NRG1: variants seen among roughly 807,000 people sequenced by gnomAD.
NRG1 encodes neuregulin 1.
NRG1 carries 18 observed loss-of-function variants against 63.8 expected under a neutral mutation model. The observed-to-expected ratio is 0.28, with a 90% confidence interval of 0.19 to 0.42. The LOEUF (loss-of-function observed/expected upper bound fraction) is 0.42, where lower values mean the gene tolerates loss of function less well. NRG1 is among the 10% of genes least tolerant of loss of function. The pLI, the probability that NRG1 is intolerant of heterozygous loss-of-function variation, is 1.00. For synonymous variants in NRG1, 302 were observed against 301.3 expected (o/e 1.00, Z -0.02); for missense variants, 762 against 814.7 (o/e 0.94, Z 0.79).
chr8:32,318,658 G>A (rs1345492506), intron 1 of NRG1, among the ~76,000 whole-genome samples: 3 of 152,250 alleles, frequency 2.0e-5, no homozygotes, highest in East Asian at 3.9e-4. Context: ...CACTTACAAA[G>A]CAGTTTATGT....
Position 32,480,239 on chromosome 8 carries a change from T to C in NRG1, c.38-115589T>C, listed in dbSNP as rs1052152691. Among the ~76,000 whole-genome samples, 15 of 151,808 alleles carry C rather than the reference T, an allele frequency of 9.9e-5. No homozygotes were observed. In the South Asian group the frequency reaches 1.5e-3, roughly 15 times the overall value. ...GTAATGATCTCACCTATATGTGGAA[T>C]CTAAAAAAAAGTCAGCCTCATGGAA... is the stretch of plus-strand genomic sequence containing the variant. On this transcript the variant is annotated intron_variant, in intron 1 of 10. Coordinates refer to the NRG1 transcript ENST00000519301.
Position 32,695,087 on chromosome 8 carries a change from G to A in NRG1, c.503-32862G>A, listed in dbSNP as rs547851482. On this transcript the variant is annotated intron_variant, in intron 5 of 11. Coordinates refer to ENST00000356819, the Ensembl canonical transcript of NRG1. ...AATTACTAAACAGGCTGGGCATGGT[G>A]GCTCATGCCTGTAATCTCAGCACTT... Among the ~76,000 whole-genome samples the A allele has an allele frequency of 2.0e-5, 3 of 152,264 alleles. No individual in the cohort carries two copies. The East Asian group carries it at 5.8e-4, about 29-fold the overall frequency.
intron 1 of NRG1, among the ~76,000 whole-genome samples, chr8:32,139,646 C>G (rs1835987940): frequency 6.6e-6 from 1 of 152,118 alleles, no homozygotes; most frequent in South Asian, 2.1e-4. Flanking sequence ...GTACCTTTAG[C>G]TTTGAAAGGG....
intron 1 of NRG1, among the ~76,000 whole-genome samples, chr8:32,508,645 G>C (rs572428688): frequency 1.4e-4 from 21 of 152,026 alleles, no homozygotes; most frequent in African/African-American, 5.1e-4. Context: ...TTTAACAGTT[G>C]TCATTCTGAT....
intron 5 of NRG1, among the ~76,000 whole-genome samples, chr8:32,668,462 T>C (rs1268123236): frequency 6.6e-6 from 1 of 152,156 alleles, no homozygotes; most frequent in Non-Finnish European, 1.5e-5. Flanking sequence ...CTCTTGGCTG[T>C]GTGCTTACTG....
chr8:32,049,553 A>C (rs542509581), intron 1 of NRG1, among the ~76,000 whole-genome samples: 1 of 152,266 alleles, frequency 6.6e-6, no homozygotes, highest in African/African-American at 2.4e-5. Flanking sequence ...TTAGAAAGAA[A>C]CCTTAAAGCT....
At chr8:31,766,319 T>C (rs899429995) in intron 1 of NRG1, among the ~76,000 whole-genome samples, 1 of 152,166 alleles carries the variant, frequency 6.6e-6, no homozygotes, top group Non-Finnish European at 1.5e-5. Flanking sequence ...TAGATAAGTG[T>C]CTTCACCCCT....
At chr8:32,301,750 C>CGCT (rs1855586310) in intron 1 of NRG1, among the ~76,000 whole-genome samples, 1 of 152,154 alleles carries the variant, frequency 6.6e-6, no homozygotes, top group South Asian at 2.1e-4. Flanking sequence ...CATTCGCTAT[C>CGCT]ATGAGAACAG....
intron 1 of NRG1, among the ~76,000 whole-genome samples, chr8:31,898,256 C>T (rs1190711673): frequency 6.6e-6 from 1 of 152,136 alleles, no homozygotes; most frequent in Non-Finnish European, 1.5e-5. Context: ...ACATTTGGCT[C>T]AGTCTAAATC....
At chr8:32,602,466 C>G (rs552497259) in intron 2 of NRG1, among the ~76,000 whole-genome samples, 1 of 152,076 alleles carries the variant, frequency 6.6e-6, no homozygotes, top group Non-Finnish European at 1.5e-5. Context: ...AGAAAGGGGT[C>G]TTTACATACA....
chr8:32,533,471 C>T (rs965190937), intron 1 of NRG1, among the ~76,000 whole-genome samples: 1 of 152,024 alleles, frequency 6.6e-6, no homozygotes, highest in African/African-American at 2.4e-5. Flanking sequence ...ATAATTACCT[C>T]AACTATATGT....
At chr8:32,271,501 A>G (rs913786713) in intron 1 of NRG1, among the ~76,000 whole-genome samples, 1 of 152,072 alleles carries the variant, frequency 6.6e-6, no homozygotes, top group African/African-American at 2.4e-5. Flanking sequence ...TTTTTCTTCT[A>G]TATAAAATTT....
At chr8:32,006,003 G>A (rs1287623903) in intron 1 of NRG1, among the ~76,000 whole-genome samples, 1 of 151,936 alleles carries the variant, frequency 6.6e-6, no homozygotes, top group Non-Finnish European at 1.5e-5. Flanking sequence ...TACTACCTAA[G>A]CCTGGATGTT....
intron 1 of NRG1, among the ~76,000 whole-genome samples, chr8:32,098,120 C>A (rs544680771): frequency 8.0e-6 from 1 of 124,586 alleles, no homozygotes; most frequent in Non-Finnish European, 1.8e-5. Flanking sequence ...GCAATCAGTA[C>A]GGTGGGAAGA....
intron 11 of NRG1, among the ~76,000 whole-genome samples, chr8:32,762,866 G>A (rs961400814): frequency 6.6e-6 from 1 of 152,090 alleles, no homozygotes; most frequent in Non-Finnish European, 1.5e-5. Flanking sequence ...AGTGTGCTCG[G>A]TGGCCTAATG....
intron 1 of NRG1, among the ~76,000 whole-genome samples, chr8:31,663,246 AC>A (rs1806186179): frequency 6.6e-6 from 1 of 152,178 alleles, no homozygotes; most frequent in Non-Finnish European, 1.5e-5. Context: ...AACTTTGTAT[AC>A]CCAAGCACTG....
chr8:32,320,509 T>C (rs1586809878), intron 1 of NRG1, among the ~76,000 whole-genome samples: 1 of 151,932 alleles, frequency 6.6e-6, no homozygotes, highest in South Asian at 2.1e-4. Context: ...TGGCAGAAGG[T>C]GAAGAGGAAG....
intron 1 of NRG1, among the ~76,000 whole-genome samples, chr8:32,162,554 A>G (rs1453271806): frequency 6.6e-6 from 1 of 152,208 alleles, no homozygotes; most frequent in African/African-American, 2.4e-5. Context: ...TTAAACAGAC[A>G]AAACTTGGAG....
At chr8:32,366,215 T>A (rs1807954257) in intron 1 of NRG1, among the ~76,000 whole-genome samples, 1 of 152,174 alleles carries the variant, frequency 6.6e-6, no homozygotes, top group Non-Finnish European at 1.5e-5. Flanking sequence ...AATCCAAATC[T>A]CTCCTAGATG....
Sources: allele counts gnomAD v4.1 joint callset (sites outside exome capture counted in the v4.1 genomes callset), GRCh38; gene constraint gnomAD v4.1.1; transcripts MANE v1.5; gene names NCBI Gene and HGNC (gene_info 2026-07-23, HGNC 2026-07-21).